PRKAR2A: variants seen among roughly 807,000 people sequenced by gnomAD.
The protein encoded by PRKAR2A is protein kinase cAMP-dependent type II regulatory subunit alpha, also known as cAMP-dependent protein kinase type II-alpha regulatory subunit.
In PRKAR2A, 29 loss-of-function variants were observed where a neutral mutation model predicts 51.9. That is an observed-to-expected ratio of 0.56 (90% confidence interval 0.42 to 0.76). The LOEUF (loss-of-function observed/expected upper bound fraction) is 0.76. PRKAR2A is among the 30% of genes least tolerant of loss of function. The pLI is 0.00. For missense variants in PRKAR2A, 445 were observed against 512.1 expected, an observed-to-expected ratio of 0.87 and a Z score of 1.26; for synonymous variants, 178 against 186.2, an observed-to-expected ratio of 0.96 and a Z score of 0.36.
chr3:48,829,158 T>C (rs1056399599), intron 1 of PRKAR2A, among the ~76,000 whole-genome samples: 24 of 151,772 alleles, frequency 1.6e-4, no homozygotes, highest in Non-Finnish European at 2.8e-4. Context: ...GTAGATCACT[T>C]GAGCCCAAGA....
At chr3:48,782,690 A>C (rs1422988076) in intron 5 of PRKAR2A, among the ~76,000 whole-genome samples, 2 of 152,208 alleles carry the variant, frequency 1.3e-5, no homozygotes, top group Admixed American at 6.5e-5. Flanking sequence ...CCCTCACCTC[A>C]AGCGATCCAC....
intron 1 of PRKAR2A, among the ~76,000 whole-genome samples, chr3:48,827,393 G>A (rs2083086325): frequency 2.0e-5 from 3 of 151,150 alleles, no homozygotes; most frequent in Non-Finnish European, 4.4e-5. Flanking sequence ...TCTGCTGATA[G>A]CATGAAGTAA....
intron 10 of PRKAR2A, 119 bp downstream of exon 10, chr3:48,752,057 C>G: frequency 8.2e-7 from 1 of 1,216,926 alleles, no homozygotes; most frequent in Non-Finnish European, 1.1e-6. Context: ...TGGTTGGTCA[C>G]ATAAACTGCC....
intron 1 of PRKAR2A, among the ~76,000 whole-genome samples, chr3:48,831,947 T>C (rs1374303565): frequency 6.6e-6 from 1 of 152,112 alleles, no homozygotes. Flanking sequence ...AATTTCTACA[T>C]CGTTAGTAAC....
intron 2 of PRKAR2A, among the ~76,000 whole-genome samples, chr3:48,796,048 C>T (rs951682302): frequency 2.6e-5 from 4 of 152,182 alleles, no homozygotes; most frequent in Admixed American, 1.3e-4. Flanking sequence ...TTTGTACTTA[C>T]TAAGAAAACT....
chr3:48,806,857 C>G (rs1294276415), intron 2 of PRKAR2A, among the ~76,000 whole-genome samples: 2 of 151,896 alleles, frequency 1.3e-5, no homozygotes, highest in Admixed American at 1.3e-4. Flanking sequence ...CTGAAATCTC[C>G]ACCTCCTGGG....
At chr3:48,830,324 T>C (rs2083168395) in intron 1 of PRKAR2A, among the ~76,000 whole-genome samples, 1 of 152,130 alleles carries the variant, frequency 6.6e-6, no homozygotes, top group Non-Finnish European at 1.5e-5. Flanking sequence ...CCTCTACATC[T>C]TGTACCACTG....
chr3:48,765,075 A>G lies in PRKAR2A; in HGVS notation c.802T>C (p.Ser268Pro). 6.2e-7 allele frequency: 1 copy of G among 1,613,936 alleles called. No individual in the cohort carries two copies. The highest frequency in any genetic ancestry group is 1.7e-4 in the Middle Eastern group (1 of 6,060). Residue 268 changes from serine to proline, a missense_variant, in exon 8 of 11, where the codon TCA (serine) becomes CCA (proline). Coordinates refer to ENST00000265563, the MANE Select transcript of PRKAR2A (RefSeq NM_004157.4). Reference sequence around the variant, plus strand: ...ACATCCACAATCTTCATTCGTTCTGACACCTGAAACAACAAATTCACAAAT... The same window carrying G: ...ACATCCACAATCTTCATTCGTTCTGGCACCTGAAACAACAAATTCACAAAT... Reference protein sequence around the residue: ...SVPLLKSLEVSERMKIVDVIG... With the variant: ...SVPLLKSLEVPERMKIVDVIG...
chr3:48,784,682 G>A (rs886556095), intron 4 of PRKAR2A, among the ~76,000 whole-genome samples: 59 of 152,276 alleles, frequency 3.9e-4, no homozygotes, highest in African/African-American at 1.4e-3. Context: ...TAGGTTAGAG[G>A]AGACTAAAAT....
At position 48,847,420 on chromosome 3, in the gene PRKAR2A, C is replaced by A. The variant is rs2083485846; in HGVS notation, c.177G>T (p.Leu59=). 6.3e-7 allele frequency: 1 copy of A among 1,595,950 alleles called. No homozygotes were observed. The highest frequency in any genetic ancestry group is 1.3e-5 in the African/African-American group (1 of 74,584). The change falls in exon 1 of 11, where the codon CTG becomes CTT. Residue 59 remains leucine, a synonymous_variant. Transcript: ENST00000265563. The surrounding 1 kb of genome is among the most constrained non-coding windows in gnomAD (Gnocchi z 4.4). ...VLPAATPRQS[L]GHPPPEPGPD... ...GGCCGGGTTCTGGCGGGGGGTGGCCCAGGCTCTGGCGTGGGGTGGCGGCGG... is the reference window on the plus strand; with the variant it reads ...GGCCGGGTTCTGGCGGGGGGTGGCCAAGGCTCTGGCGTGGGGTGGCGGCGG...
intron 4 of PRKAR2A, among the ~76,000 whole-genome samples, chr3:48,785,153 C>T (rs2082267506): frequency 6.7e-6 from 1 of 149,376 alleles, no homozygotes; most frequent in East Asian, 2.0e-4. Context: ...TGCAGTGGCG[C>T]GATCTTGGTC....
chr3:48,785,979 T>G lies in PRKAR2A; in HGVS notation c.436-2887A>C, dbSNP rs576711889. On this transcript the variant is annotated intron_variant, in intron 4 of 10. Coordinates refer to ENST00000265563, the MANE Select transcript of PRKAR2A (RefSeq NM_004157.4). ...AAATTTGGGAAATAAATTTAAAATTTGAAACAAATATACTAATCAGAAAAA... is the reference window on the plus strand; with the variant it reads ...AAATTTGGGAAATAAATTTAAAATTGGAAACAAATATACTAATCAGAAAAA... 2.0e-5 allele frequency among the ~76,000 whole-genome samples: 3 copies of G among 152,170 alleles called. No individual in the cohort carries two copies. The East Asian group carries it at 5.8e-4, about 29-fold the overall frequency.
intron 1 of PRKAR2A, among the ~76,000 whole-genome samples, chr3:48,835,679 T>A (rs2083272399): frequency 2.0e-5 from 3 of 147,590 alleles, no homozygotes. Flanking sequence ...GTAGCTTATA[T>A]GCCTACAGGC....
intron 1 of PRKAR2A, among the ~76,000 whole-genome samples, chr3:48,844,494 C>A (rs1207746948): frequency 6.6e-6 from 1 of 151,210 alleles, no homozygotes; most frequent in Admixed American, 6.6e-5. Flanking sequence ...TGGGTATATA[C>A]CCAAAGGACT....
chr3:48,794,444 C>T (rs895074717), intron 2 of PRKAR2A, among the ~76,000 whole-genome samples: 1 of 152,064 alleles, frequency 6.6e-6, no homozygotes, highest in African/African-American at 2.4e-5. Flanking sequence ...TGCCTATAAT[C>T]CCAGCACTCT....
intron 1 of PRKAR2A, among the ~76,000 whole-genome samples, chr3:48,826,992 A>G (rs1290891758): frequency 2.0e-5 from 3 of 152,200 alleles, no homozygotes; most frequent in Admixed American, 6.6e-5. Flanking sequence ...TAGGGGCACT[A>G]AACTCCACTC....
chr3:48,776,807 C>T lies in PRKAR2A; in HGVS notation c.543-3699G>A, dbSNP rs577520890. 6.6e-5 allele frequency among the ~76,000 whole-genome samples: 10 copies of T among 152,280 alleles called. No individual in the cohort carries two copies. In the South Asian group the frequency reaches 1.0e-3, roughly 16 times the overall value. On this transcript the variant is annotated intron_variant, in intron 5 of 10. Transcript: ENST00000265563. ...AGTGAGCCAAGATCGCACCATTGCA[C>T]TCCAGCCTGGGTGGCAGAGTGAGAC... is the stretch of plus-strand genomic sequence containing the variant.
At chr3:48,809,608 A>C (rs1193859429) in intron 1 of PRKAR2A, among the ~76,000 whole-genome samples, 12 of 150,700 alleles carry the variant, frequency 8.0e-5, no homozygotes, top group South Asian at 2.1e-4. Context: ...AAAAAAAAAA[A>C]AAAAAAAAAA....
At chr3:48,767,377 G>A (rs770094332) in intron 6 of PRKAR2A, among the ~76,000 whole-genome samples, 8 of 152,252 alleles carry the variant, frequency 5.3e-5, no homozygotes, top group South Asian at 2.1e-4. Context: ...TTCTTGGGAC[G>A]CTGAGACAGG....
Sources: gnomAD v4.1 joint callset for allele counts (sites outside exome capture counted in the v4.1 genomes callset) on GRCh38, gnomAD v4.1.1 for gene constraint, Gnocchi (gnomAD v3.1) non-coding constraint, MANE v1.5 for transcripts, NCBI Gene and HGNC (gene_info 2026-07-23, HGNC 2026-07-21) for gene names.